The following NALF1 variants were observed in gnomAD, a reference collection of about 807,000 sequenced individuals.
The protein encoded by NALF1 is family with sequence similarity 155 member A.
In NALF1, 3 loss-of-function variants were observed where a neutral mutation model predicts 48.4. That is an observed-to-expected ratio of 0.06 (90% CI 0.03 to 0.16). The LOEUF is 0.16. Among genes scored for constraint, NALF1 ranks in the 10% least tolerant of loss-of-function variants. NALF1 has a pLI of 1.00. For missense variants in NALF1, 526 were observed against 571.5 expected (o/e 0.92, Z 0.81); for synonymous variants, 262 against 245.7 (o/e 1.07, Z -0.62).
chr13:107,833,061 C>T (rs1879788348), intron 1 of NALF1, among the ~76,000 whole-genome samples: 2 of 152,176 alleles, frequency 1.3e-5, no homozygotes, highest in African/African-American at 4.8e-5. Context: ...ACGCACATGC[C>T]CCATCTCCTA....
At chr13:107,785,403 A>G (rs530259244) in intron 1 of NALF1, among the ~76,000 whole-genome samples, 5 of 152,168 alleles carry the variant, frequency 3.3e-5, no homozygotes, top group Non-Finnish European at 7.3e-5. Flanking sequence ...ATTTGCCTCG[A>G]CCTGGATGAG....
intron 1 of NALF1, among the ~76,000 whole-genome samples, chr13:107,809,026 A>G (rs964190601): frequency 5.3e-5 from 8 of 152,118 alleles, no homozygotes; most frequent in Admixed American, 6.6e-5. Flanking sequence ...GTGAAAACCT[A>G]TGACTAAAGA....
intron 1 of NALF1, among the ~76,000 whole-genome samples, chr13:107,470,255 T>C (rs1415347892): frequency 1.3e-5 from 2 of 152,202 alleles, no homozygotes; most frequent in African/African-American, 4.8e-5. Flanking sequence ...CCTTCCTTAT[T>C]TGACACTTTA....
At chr13:107,825,850 G>A (rs952827632) in intron 1 of NALF1, among the ~76,000 whole-genome samples, 13 of 152,202 alleles carry the variant, frequency 8.5e-5, no homozygotes, top group Admixed American at 4.6e-4. Flanking sequence ...GCAACATCTC[G>A]GCTCACTGCA....
intron 1 of NALF1, among the ~76,000 whole-genome samples, chr13:107,633,127 A>C (rs1038308788): frequency 6.6e-6 from 1 of 152,104 alleles, no homozygotes; most frequent in Admixed American, 6.6e-5. Flanking sequence ...AGAATGTCTG[A>C]AGAGCGTATT....
chr13:107,469,194 T>A lies in NALF1; in HGVS notation c.916-258439A>T, dbSNP rs187519531. 7.9e-5 allele frequency among the ~76,000 whole-genome samples: 12 copies of A among 152,312 alleles called. No individual in the cohort carries two copies. In the East Asian group the frequency reaches 2.1e-3, roughly 27 times the overall value. Reference sequence around the variant, plus strand: ...TAAATTTCTCCTATTCAACAAGGTATTCTATTTTAGAGCGCATTTATTATT... The same window carrying A: ...TAAATTTCTCCTATTCAACAAGGTAATCTATTTTAGAGCGCATTTATTATT... On this transcript the variant is annotated intron_variant, in intron 1 of 2. Transcript: ENST00000375915.
chr13:107,457,576 T>G (rs945572327), intron 1 of NALF1, among the ~76,000 whole-genome samples: 1 of 152,226 alleles, frequency 6.6e-6, no homozygotes, highest in Non-Finnish European at 1.5e-5. Context: ...AAGGTTTCAT[T>G]TGCTAAACTA....
chr13:107,390,130 G>A (rs1160433428), intron 1 of NALF1, among the ~76,000 whole-genome samples: 1 of 152,106 alleles, frequency 6.6e-6, no homozygotes, highest in Non-Finnish European at 1.5e-5. Context: ...AACAATTTGG[G>A]AGGCTGACAG....
At chr13:107,827,394 T>C (rs911360762) in intron 1 of NALF1, among the ~76,000 whole-genome samples, 1 of 152,208 alleles carries the variant, frequency 6.6e-6, no homozygotes, top group African/African-American at 2.4e-5. Flanking sequence ...CATTATGTCT[T>C]TCCTTCAGGT....
At chr13:107,377,836 C>G (rs1883364411) in intron 1 of NALF1, among the ~76,000 whole-genome samples, 1 of 152,084 alleles carries the variant, frequency 6.6e-6, no homozygotes. Flanking sequence ...GTTTGTACTA[C>G]ATTTTTTAAT....
At chr13:107,717,396 G>A (rs1375615039) in intron 1 of NALF1, among the ~76,000 whole-genome samples, 2 of 152,114 alleles carry the variant, frequency 1.3e-5, no homozygotes, top group African/African-American at 4.8e-5. Context: ...AAACTCTGGG[G>A]GTGGAACCCA....
At chr13:107,597,664 T>C (rs1190014261) in intron 1 of NALF1, among the ~76,000 whole-genome samples, 6 of 152,242 alleles carry the variant, frequency 3.9e-5, no homozygotes, top group Non-Finnish European at 7.4e-5. Flanking sequence ...CAATATTAGA[T>C]AGTACAATAC....
intron 1 of NALF1, among the ~76,000 whole-genome samples, chr13:107,528,583 T>A (rs1876520291): frequency 6.6e-6 from 1 of 152,090 alleles, no homozygotes; most frequent in South Asian, 2.1e-4. Flanking sequence ...GTGTCAAGCA[T>A]CCGGCAGGCA....
intron 1 of NALF1, among the ~76,000 whole-genome samples, chr13:107,652,114 C>T (rs960806049): frequency 3.3e-5 from 5 of 152,116 alleles, no homozygotes; most frequent in East Asian, 1.9e-4. Context: ...TAAAAAAAGA[C>T]GGAGTACTCT....
chr13:107,194,556 T>G (rs1879353212), intron 2 of NALF1, among the ~76,000 whole-genome samples: 1 of 152,180 alleles, frequency 6.6e-6, no homozygotes, highest in Admixed American at 6.5e-5. Context: ...ATCTCTCACC[T>G]TATACAAAAA....
intron 1 of NALF1, among the ~76,000 whole-genome samples, chr13:107,335,163 C>T (rs573176585): frequency 5.9e-5 from 9 of 152,046 alleles, no homozygotes; most frequent in African/African-American, 1.7e-4. Context: ...AAGCTCTAGA[C>T]GAAGTCTTCT....
At chr13:107,648,312 A>AT (rs1880363647) in intron 1 of NALF1, among the ~76,000 whole-genome samples, 1 of 152,092 alleles carries the variant, frequency 6.6e-6, no homozygotes, top group Non-Finnish European at 1.5e-5. Flanking sequence ...TCACTGTCAT[A>AT]AACATCCTTT....
chr13:107,839,641 C>A (rs1470879835), intron 1 of NALF1, among the ~76,000 whole-genome samples: 1 of 151,204 alleles, frequency 6.6e-6, no homozygotes. Context: ...GAGTATGACC[C>A]CAATCCTGGG....
intron 1 of NALF1, among the ~76,000 whole-genome samples, chr13:107,494,298 G>A (rs888875954): frequency 6.6e-6 from 1 of 152,168 alleles, no homozygotes; most frequent in African/African-American, 2.4e-5. Context: ...GTAGACAGAA[G>A]GGTTAGTTGT....
Sources: allele counts gnomAD v4.1 joint callset (sites outside exome capture counted in the v4.1 genomes callset), GRCh38; gene constraint gnomAD v4.1.1; transcripts MANE v1.5; gene names NCBI Gene and HGNC (gene_info 2026-07-23, HGNC 2026-07-21).